The following GALNS variants were observed in gnomAD, a reference collection of about 807,000 sequenced individuals.
GALNS encodes galactosamine (N-acetyl)-6-sulfatase, also known as N-acetylgalactosamine-6-sulfatase.
A neutral mutation model predicts 65.9 loss-of-function variants in GALNS; 65 were observed. The ratio of observed to expected loss-of-function variants is 0.99; its 90% CI spans 0.81 to 1.21. GALNS has a LOEUF of 1.21. Ranked by LOEUF, GALNS falls within the 50% of genes most tolerant of loss-of-function variation. The pLI is 0.00. For synonymous variants in GALNS, 346 were observed against 288.9 expected (o/e 1.20, Z -2.00); for missense variants, 776 against 700.7 (o/e 1.11, Z -1.21).
rs367679362 is a variant in GALNS, at chr16:88,840,878, G to A, written c.422+114C>T. ...CTGAACACACCCAGAATCAGCTGCC[G>A]TTTCCCACCCAAGACACCCTCCTCA... On this transcript the variant is annotated intron_variant, in intron 4 of 13. Coordinates refer to ENST00000268695, the MANE Select transcript of GALNS (RefSeq NM_000512.5). 1.2e-4 allele frequency: 99 copies of A among 850,562 alleles called. No homozygotes were observed. The East Asian group carries it at 1.9e-3, about 16-fold the overall frequency. 52.7% of individuals were successfully genotyped at this position (850,562 alleles called of 1,614,324 possible).
At chr16:88,834,685 G>A (rs979667348) in intron 8 of GALNS, among the ~76,000 whole-genome samples, 1 of 149,550 alleles carries the variant, frequency 6.7e-6, no homozygotes, top group African/African-American at 2.4e-5. Context: ...GTTGGCGCTG[G>A]GGATGGGTCA....
chr16:88,815,287 G>C, intron 13 of GALNS: 1 of 985,502 alleles, frequency 1.0e-6, no homozygotes, highest in Non-Finnish European at 1.2e-6. Flanking sequence ...CCGAGGGCCA[G>C]CAGTGTTAGA....
intron 10 of GALNS, among the ~76,000 whole-genome samples, chr16:88,825,269 G>A (rs1206034822): frequency 1.5e-5 from 2 of 134,184 alleles, no homozygotes; most frequent in Admixed American, 1.4e-4. Flanking sequence ...GGGGTGCCTG[G>A]GTGTTTGGGC....
At chr16:88,855,611 C>A in intron 1 of GALNS, 1 of 636,152 alleles carries the variant, frequency 1.6e-6, no homozygotes, top group Non-Finnish European at 2.8e-6. Context: ...TGGGTGGTGT[C>A]TGTTATCTTT....
chr16:88,834,363 C>A lies in GALNS; in HGVS notation c.898+850G>T, dbSNP rs547214687. ...CTGGGAAGAGGCTGCAGGGCCCCCC[C>A]CCGCGTGGTCTGGGAAGAGGCTGCA... On this transcript the variant is annotated intron_variant, in intron 8 of 13. Transcript: ENST00000268695. 7.7e-4 allele frequency among the ~76,000 whole-genome samples: 96 copies of A among 124,496 alleles called. 3 individuals carry two copies. Among genetic ancestry groups the A allele is most frequent in the Non-Finnish European group, 1.3e-3 (73 of 57,842 alleles). The allele number at this position is 124,496 out of a possible 152,430, so 81.7% of individuals were successfully genotyped here.
intron 12 of GALNS, among the ~76,000 whole-genome samples, chr16:88,818,445 G>A (rs1008150246): frequency 2.6e-5 from 4 of 152,176 alleles, no homozygotes; most frequent in African/African-American, 9.7e-5. Context: ...TGTGGGCTGG[G>A]GCCTGTGGGT....
At chr16:88,822,031 T>C (rs975044107) in intron 12 of GALNS, among the ~76,000 whole-genome samples, 1 of 151,182 alleles carries the variant, frequency 6.6e-6, no homozygotes, top group African/African-American at 2.4e-5. Context: ...TCCAGCCAAG[T>C]GTTGGGGCCT....
At position 88,835,336 on chromosome 16, in the gene GALNS, G is replaced by A. The variant is rs61742258; in HGVS notation, c.775C>T (p.Arg259Trp). 6.2e-6 allele frequency: 10 copies of A among 1,613,554 alleles called. No homozygotes were observed. The highest frequency in any genetic ancestry group is 1.1e-5 in the South Asian group (1 of 90,894). ...SQRGRYGDAV[R>W]EIDDSIGKIL... ...TTCCCAATGCTGTCATCAATCTCCCGGACGGCGTCTCCATACCTGCAGGAT... is the reference window on the plus strand; with the variant it reads ...TTCCCAATGCTGTCATCAATCTCCCAGACGGCGTCTCCATACCTGCAGGAT... Residue 259 changes from arginine (R) to tryptophan (W), a missense_variant, in exon 8 of 14, where the codon CGG becomes TGG. By Grantham distance (101) the Arg-to-Trp change is moderately radical. Coordinates refer to ENST00000268695, the MANE Select transcript of GALNS (RefSeq NM_000512.5).
At chr16:88,834,496 C>G (rs1272392471) in intron 8 of GALNS, among the ~76,000 whole-genome samples, 1 of 134,446 alleles carries the variant, frequency 7.4e-6, no homozygotes, top group East Asian at 2.2e-4. Context: ...CTGCAGGGCC[C>G]CCCTCAGCGT....
chr16:88,827,856 G>A (rs1911093148), intron 9 of GALNS, among the ~76,000 whole-genome samples: 1 of 152,220 alleles, frequency 6.6e-6, no homozygotes, highest in Non-Finnish European at 1.5e-5. Flanking sequence ...GCTGGGCAGG[G>A]ACCGCCATCC....
chr16:88,855,656 T>C (rs1408648673), intron 1 of GALNS: 3 of 600,560 alleles, frequency 5.0e-6, no homozygotes, highest in Non-Finnish European at 8.8e-6. Context: ...ACCATTAATT[T>C]AATAAAATTG....
At chr16:88,845,581 T>C (rs1028003288) in intron 1 of GALNS, 2 of 151,194 alleles carry the variant, frequency 1.3e-5, no homozygotes, top group Non-Finnish European at 2.9e-5. Context: ...ACCCAGTCTC[T>C]ACTAAAAACA....
intron 12 of GALNS, among the ~76,000 whole-genome samples, chr16:88,820,094 G>C (rs1378812381): frequency 6.6e-6 from 1 of 151,862 alleles, no homozygotes; most frequent in Non-Finnish European, 1.5e-5. Context: ...CTCCCAAAGT[G>C]CTGGGATCAC....
intron 9 of GALNS, among the ~76,000 whole-genome samples, chr16:88,830,784 G>A (rs764827365): frequency 1.7e-4 from 25 of 151,240 alleles, no homozygotes; most frequent in Admixed American, 6.6e-4. Context: ...ACCGAGGTCC[G>A]CACCCCATGC....
rs111233947 is a variant in GALNS, at chr16:88,814,215, G to C, written c.*224C>G. The stretch of plus-strand genomic sequence containing the variant: ...TGAGGTCTGAGGCGCCGTGGGCGAG[G>C]AGGAGGGTCCTGAAATCTGAGGCGC... On this transcript the variant is annotated 3_prime_UTR_variant, in exon 14 of 14. Coordinates refer to ENST00000268695, the MANE Select transcript of GALNS (RefSeq NM_000512.5). 2,910 of 625,828 alleles carry C rather than the reference G, an allele frequency of 4.6e-3. 56 individuals carry two copies. The African/African-American group carries it at 0.047, about 10-fold the overall frequency. The allele number at this position is 625,828 out of a possible 1,614,324, so 38.8% of individuals were successfully genotyped here.
chr16:88,835,979 A>G lies in GALNS; in HGVS notation c.634-130T>C, dbSNP rs375743510. On this transcript the variant is annotated intron_variant, in intron 6 of 13. Coordinates refer to ENST00000268695, the MANE Select transcript of GALNS (RefSeq NM_000512.5). The stretch of plus-strand genomic sequence containing the variant: ...CCCGTCCCCACGCGTCCCACGGGGC[A>G]AGGTTGGTGCGGTCCCCGTCCCCAC... 0.097 allele frequency: 122,374 copies of G among 1,256,088 alleles called. 7,613 individuals are homozygous for G. The highest frequency in any genetic ancestry group is 0.17 in the Middle Eastern group (745 of 4,312). 77.8% of individuals were successfully genotyped at this position (1,256,088 alleles called of 1,614,324 possible).
chr16:88,815,949 C>A (rs546207601), intron 13 of GALNS: 3 of 985,458 alleles, frequency 3.0e-6, no homozygotes, highest in African/African-American at 1.7e-5. Context: ...GCCAGAGACG[C>A]CACTGAGCCC....
intron 1 of GALNS, chr16:88,855,776 G>T (rs1040867782): frequency 5.6e-6 from 3 of 534,622 alleles, no homozygotes; most frequent in Admixed American, 6.6e-5. Flanking sequence ...CAGCCCTTGG[G>T]TGTGGCCCGT....
intron 1 of GALNS, 184 bp downstream of exon 1, chr16:88,856,571 GCAC>G: frequency 2.6e-6 from 1 of 379,708 alleles, no homozygotes; most frequent in Non-Finnish European, 4.9e-6. Flanking sequence ...CCCCCTCCCC[GCAC>G]GGGGATACCC....
Sources: gnomAD v4.1 joint callset for allele counts (sites outside exome capture counted in the v4.1 genomes callset) on GRCh38, gnomAD v4.1.1 for gene constraint, MANE v1.5 for transcripts, NCBI Gene and HGNC (gene_info 2026-07-23, HGNC 2026-07-21) for gene names.